Variants in ART3 observed in about 807,000 individuals in gnomAD.
The protein encoded by ART3 is ADP-ribosyltransferase 3 (inactive).
ART3 carries 49 observed loss-of-function variants against 48.5 expected under a neutral mutation model. The observed-to-expected ratio is 1.01, with a 90% CI of 0.80 to 1.28. The LOEUF is 1.28. Among genes scored for constraint, ART3 ranks in the 50% most tolerant of loss-of-function variants. ART3 has a pLI of 0.00. For missense variants in ART3, 438 were observed against 454.3 expected (o/e 0.96, Z 0.33); for synonymous variants, 145 against 157.2 (o/e 0.92, Z 0.58).
At chr4:76,043,519 G>T (rs937481346) in intron 1 of ART3, among the ~76,000 whole-genome samples, 1 of 152,164 alleles carries the variant, frequency 6.6e-6, no homozygotes. Context: ...CTCCGCAGCT[G>T]CTGGCCTGGG....
chr4:76,041,197 A>G (rs1024882669), intron 1 of ART3: 27 of 152,058 alleles, frequency 1.8e-4, no homozygotes, highest in African/African-American at 6.5e-4. Flanking sequence ...GGCTTTGTAG[A>G]TGTGTGGGGT....
intron 1 of ART3, chr4:76,022,755 G>T: frequency 6.2e-7 from 1 of 1,613,538 alleles, no homozygotes; most frequent in Non-Finnish European, 8.5e-7. Context: ...AAAGACCTTG[G>T]ATTAACAGGT....
chr4:76,077,284 G>C (rs1721321069), intron 2 of ART3, among the ~76,000 whole-genome samples: 1 of 152,114 alleles, frequency 6.6e-6, no homozygotes, highest in Admixed American at 6.5e-5. Context: ...TACAATATGT[G>C]ACCTTTTGTG....
At chr4:76,093,044 A>G (rs184746321) in intron 3 of ART3, among the ~76,000 whole-genome samples, 1 of 152,258 alleles carries the variant, frequency 6.6e-6, no homozygotes, top group Admixed American at 6.5e-5. Context: ...TTAGGCAAGA[A>G]TCTGTTTTCT....
intron 3 of ART3, among the ~76,000 whole-genome samples, chr4:76,096,017 T>C (rs182266273): frequency 8.3e-4 from 127 of 152,126 alleles, no homozygotes; most frequent in Admixed American, 1.7e-3. Context: ...CTGCCTCCCA[T>C]GTTCAAGTGA....
intron 1 of ART3, among the ~76,000 whole-genome samples, chr4:76,042,154 A>G (rs1291439595): frequency 6.6e-6 from 1 of 152,226 alleles, no homozygotes; most frequent in Non-Finnish European, 1.5e-5. Flanking sequence ...GCTTCATCTG[A>G]AATTTTATTA....
At chr4:76,099,016 T>C in intron 5 of ART3, 29 bp downstream of exon 5, 1 of 1,597,888 alleles carries the variant, frequency 6.3e-7, no homozygotes, top group Non-Finnish European at 8.6e-7. Context: ...TTAAAAATAA[T>C]CTTGGTTGGG....
At chr4:76,072,455 C>T (rs1720416736), upstream of ART3, among the ~76,000 whole-genome samples, 1 of 152,046 alleles carries the variant, frequency 6.6e-6, no homozygotes, top group Admixed American at 6.6e-5. Flanking sequence ...ACCTCAGCAA[C>T]AGCAACAACA....
At chr4:76,021,108 G>A (rs1451485863) in intron 1 of ART3, 6 of 152,100 alleles carry the variant, frequency 3.9e-5, no homozygotes, top group Admixed American at 2.6e-4. Flanking sequence ...GACACACAAG[G>A]CACTTCATCT....
chr4:76,112,246 T>G, intron 11 of ART3, 140 bp from the exon 12 acceptor site: 1 of 1,022,972 alleles, frequency 9.8e-7, no homozygotes. Flanking sequence ...ATTTGAAAAT[T>G]GCTTTTGGCT....
chr4:76,068,753 A>G (rs1719994303), intron 1 of ART3, among the ~76,000 whole-genome samples: 1 of 152,234 alleles, frequency 6.6e-6, no homozygotes, highest in Non-Finnish European at 1.5e-5. Context: ...GTTTACCTAT[A>G]TAACAAACCT....
At chr4:76,026,649 T>C (rs1397422416) in intron 1 of ART3, among the ~76,000 whole-genome samples, 2 of 152,178 alleles carry the variant, frequency 1.3e-5, no homozygotes, top group African/African-American at 2.4e-5. Context: ...ATTCCGGAAC[T>C]CTGGTAAATA....
chr4:76,080,209 C>T (rs992564430), intron 2 of ART3, among the ~76,000 whole-genome samples: 2 of 152,070 alleles, frequency 1.3e-5, no homozygotes, highest in African/African-American at 4.8e-5. Context: ...TAATGTAGTT[C>T]ACTTGAATAT....
intron 1 of ART3, chr4:76,034,349 G>C (rs144900973): frequency 4.9e-6 from 2 of 412,252 alleles, no homozygotes; most frequent in Non-Finnish European, 4.2e-6. Flanking sequence ...ATAGCATAAA[G>C]ATCAATACAG....
At chr4:76,024,204 G>A (rs1350791116) in intron 1 of ART3, among the ~76,000 whole-genome samples, 1 of 152,050 alleles carries the variant, frequency 6.6e-6, no homozygotes, top group African/African-American at 2.4e-5. Flanking sequence ...ATCATAAGAT[G>A]GTATCTAGAA....
chr4:76,034,878 A>G, intron 1 of ART3: 1 of 1,463,784 alleles, frequency 6.8e-7, no homozygotes. Context: ...CAGGACATCT[A>G]AAAACATGTA....
chr4:76,049,946 G>A (rs935613680), intron 1 of ART3, among the ~76,000 whole-genome samples: 1 of 151,494 alleles, frequency 6.6e-6, no homozygotes, highest in Non-Finnish European at 1.5e-5. Flanking sequence ...TGGTGGGTTC[G>A]TGGTCTCACT....
chr4:76,089,332 G>A (rs1414743500), intron 3 of ART3, among the ~76,000 whole-genome samples: 7 of 151,972 alleles, frequency 4.6e-5, no homozygotes, highest in Admixed American at 1.3e-4. Context: ...CTCCAATGTT[G>A]GAGATGGGGC....
chr4:76,067,844 G>A (rs938521949), intron 1 of ART3, among the ~76,000 whole-genome samples: 7 of 152,228 alleles, frequency 4.6e-5, no homozygotes, highest in Admixed American at 3.9e-4. Flanking sequence ...TTCTGGTGCT[G>A]ACCTCTAGCG....
Sources: allele counts gnomAD v4.1 joint callset (sites outside exome capture counted in the v4.1 genomes callset), GRCh38; gene constraint gnomAD v4.1.1; transcripts MANE v1.5; gene names NCBI Gene and HGNC (gene_info 2026-07-23, HGNC 2026-07-21).